TMCO4: variants seen among roughly 807,000 people sequenced by gnomAD.
The protein encoded by TMCO4 is transmembrane and coiled-coil domains 4, also known as transmembrane and coiled-coil domain-containing protein 4.
In TMCO4, 58 loss-of-function variants were observed where a neutral mutation model predicts 64.7. That is an observed-to-expected ratio of 0.90 (90% CI 0.73 to 1.12). The LOEUF is 1.12. TMCO4 is among the 50% of genes most tolerant of loss of function. TMCO4 has a pLI of 0.00. For missense variants in TMCO4, 780 were observed against 825.9 expected (o/e 0.94, Z 0.68); for synonymous variants, 325 against 346.1 (o/e 0.94, Z 0.68).
intron 4 of TMCO4, among the ~76,000 whole-genome samples, chr1:19,772,687 C>T (rs75882276): frequency 0.022 from 3,292 of 152,304 alleles, 70 homozygotes; most frequent in East Asian, 0.066. Context: ...GAGTCCCAGC[C>T]TGCCTCAAAC....
At chr1:19,737,066 C>A (rs557469486) in intron 13 of TMCO4, among the ~76,000 whole-genome samples, 5 of 152,186 alleles carry the variant, frequency 3.3e-5, no homozygotes, top group African/African-American at 1.2e-4. Context: ...AGTGCACCTG[C>A]CAACACCTTA....
chr1:19,772,431 C>T (rs932543278), intron 4 of TMCO4, among the ~76,000 whole-genome samples: 4 of 152,120 alleles, frequency 2.6e-5, no homozygotes, highest in African/African-American at 9.7e-5. Context: ...TACAGGAGTC[C>T]CCAGGGGAGG....
rs1441248443 is a variant in TMCO4 at position 19,743,068 on chromosome 1, A to T, written c.878-2127T>A. ...CGTCTCCAAAAGAAAATAAAAATAA[A>T]AAAAATAAAAAGGCGTTGTATAAAC... On this transcript the variant is annotated intron_variant, in intron 10 of 15. Coordinates refer to ENST00000294543, the MANE Select transcript of TMCO4 (RefSeq NM_181719.7). This position sits in a 1 kb window ranked among gnomAD's most constrained non-coding sequence, Gnocchi z 4.1. Among the ~76,000 whole-genome samples, 2 of 152,176 alleles carry T rather than the reference A, an allele frequency of 1.3e-5. No individual in the cohort carries two copies. The highest frequency in any genetic ancestry group is 2.9e-5 in the Non-Finnish European group (2 of 68,024).
intron 13 of TMCO4, among the ~76,000 whole-genome samples, chr1:19,709,460 T>C (rs1300611918): frequency 6.6e-6 from 1 of 151,666 alleles, no homozygotes; most frequent in Non-Finnish European, 1.5e-5. Context: ...TCTGCTATCA[T>C]GGAGATGAAA....
In TMCO4 at chr1:19,732,413, A is replaced by G. The variant is rs2100797040; in HGVS notation, c.1264+4959T>C. 6.6e-6 allele frequency among the ~76,000 whole-genome samples: 1 copy of G among 151,752 alleles called. No individual in the cohort carries two copies. Among genetic ancestry groups the G allele is most frequent in the South Asian group, 2.1e-4 (1 of 4,792 alleles). On this transcript the variant is annotated intron_variant, in intron 13 of 15. Coordinates refer to ENST00000294543, the MANE Select transcript of TMCO4 (RefSeq NM_181719.7). This position sits in a 1 kb window ranked among gnomAD's most constrained non-coding sequence, Gnocchi z 4.8. ...ACTCCTGGGCTCAAGCAATCCTCCCACCTCAGCCTCCCAAAGTGTTGGGAT... is the reference window on the plus strand; with the variant it reads ...ACTCCTGGGCTCAAGCAATCCTCCCGCCTCAGCCTCCCAAAGTGTTGGGAT...
chr1:19,746,332 A>G lies in TMCO4; in HGVS notation c.757+124T>C. The G allele has an allele frequency of 4.9e-6, 7 of 1,421,912 alleles. No homozygotes were observed. In the South Asian group the frequency reaches 9.1e-5, roughly 19 times the overall value. 88.1% of individuals were successfully genotyped at this position (1,421,912 alleles called of 1,614,324 possible). On this transcript the variant is annotated intron_variant, in intron 9 of 15. Coordinates refer to ENST00000294543, the MANE Select transcript of TMCO4 (RefSeq NM_181719.7). The stretch of plus-strand genomic sequence containing the variant: ...TGGGAAGGCTGGGACCCAGAGTGAG[A>G]AAAGCCACGTCTCCTCTGTCTCCCA...
chr1:19,706,448 T>C (rs914914956), intron 13 of TMCO4, among the ~76,000 whole-genome samples: 6 of 152,232 alleles, frequency 3.9e-5, no homozygotes, highest in African/African-American at 1.4e-4. Flanking sequence ...TTTCTTCTTG[T>C]AAATTTTCAA....
chr1:19,713,470 GT>G (rs1490948248), intron 13 of TMCO4, among the ~76,000 whole-genome samples: 1 of 152,122 alleles, frequency 6.6e-6, no homozygotes, highest in African/African-American at 2.4e-5. Flanking sequence ...TGGGGATGTG[GT>G]TTTGGGAGTC....
intron 3 of TMCO4, among the ~76,000 whole-genome samples, chr1:19,785,654 C>A (rs1490263521): frequency 1.3e-5 from 2 of 152,166 alleles, no homozygotes. Flanking sequence ...AATGACAAAG[C>A]GACCTAAGTT....
chr1:19,684,062 G>GC (rs2095127072), intron 15 of TMCO4, among the ~76,000 whole-genome samples: 1 of 100,410 alleles, frequency 1.0e-5, no homozygotes, highest in Non-Finnish European at 1.8e-5. Flanking sequence ...GTGCCCGGCA[G>GC]CTTTTTTTTT....
Position 19,755,689 on chromosome 1 carries a change from C to A in TMCO4, c.460G>T (p.Val154Phe). ...CTCTCCAGGAACATCTCTTCAAGGACATCCAGCTCCTCCAAGGGCACTTGG... is the reference window on the plus strand; with the variant it reads ...CTCTCCAGGAACATCTCTTCAAGGAAATCCAGCTCCTCCAAGGGCACTTGG... ...LLQVPLEELD[V>F]LEEMFLESLK... The change falls in exon 7 of 16, where the codon GTC becomes TTC. Residue 154 changes from valine (V) to phenylalanine (F), a missense_variant. Transcript: ENST00000294543. 1 of 1,614,148 alleles carries A rather than the reference C, an allele frequency of 6.2e-7. No individual in the cohort carries two copies. Among genetic ancestry groups the A allele is most frequent in the Non-Finnish European group, 8.5e-7 (1 of 1,180,028 alleles).
chr1:19,726,735 A>G (rs1261973253), intron 13 of TMCO4, among the ~76,000 whole-genome samples: 3 of 152,188 alleles, frequency 2.0e-5, no homozygotes, highest in African/African-American at 4.8e-5. Flanking sequence ...GGTTTGCAGA[A>G]ACCAATAATT....
intron 13 of TMCO4, among the ~76,000 whole-genome samples, chr1:19,727,582 A>G (rs2095413933): frequency 6.6e-6 from 1 of 152,230 alleles, no homozygotes; most frequent in African/African-American, 2.4e-5. Flanking sequence ...CTCTCTTTAG[A>G]AGGTCTCATA....
intron 6 of TMCO4, among the ~76,000 whole-genome samples, chr1:19,770,054 A>C (rs2042916596): frequency 6.6e-6 from 1 of 152,254 alleles, no homozygotes; most frequent in Admixed American, 6.5e-5. Flanking sequence ...CCTGAGAGCC[A>C]CACCAGAGGG....
chr1:19,709,557 T>C (rs1026439576), intron 13 of TMCO4, among the ~76,000 whole-genome samples: 2 of 152,100 alleles, frequency 1.3e-5, no homozygotes, highest in African/African-American at 4.8e-5. Context: ...AAGTAAGAAT[T>C]TGGGGACTCA....
At chr1:19,791,745 C>A (rs992692302) in intron 2 of TMCO4, among the ~76,000 whole-genome samples, 9 of 152,236 alleles carry the variant, frequency 5.9e-5, no homozygotes, top group Non-Finnish European at 1.2e-4. Context: ...GCTGGTCCAG[C>A]AGCGCCCTGG....
intron 7 of TMCO4, among the ~76,000 whole-genome samples, chr1:19,748,162 CTG>C (rs2041871560): frequency 6.6e-6 from 1 of 152,206 alleles, no homozygotes; most frequent in African/African-American, 2.4e-5. Context: ...TCCCCATGAA[CTG>C]TGAGGATCCA....
intron 7 of TMCO4, among the ~76,000 whole-genome samples, chr1:19,748,918 T>C (rs933605440): frequency 2.0e-5 from 3 of 152,238 alleles, no homozygotes; most frequent in African/African-American, 7.2e-5. Flanking sequence ...CCTGCTGTGC[T>C]TTTTGGTTCC....
chr1:19,741,929 G>T (rs1025600788), intron 10 of TMCO4, among the ~76,000 whole-genome samples: 1 of 151,674 alleles, frequency 6.6e-6, no homozygotes, highest in Non-Finnish European at 1.5e-5. Context: ...AGTAGAGACG[G>T]GGTTTCATCA....
Sources: allele counts gnomAD v4.1 joint callset (sites outside exome capture counted in the v4.1 genomes callset), GRCh38; gene constraint gnomAD v4.1.1; non-coding constraint Gnocchi (gnomAD v3.1); transcripts MANE v1.5; gene names NCBI Gene and HGNC (gene_info 2026-07-23, HGNC 2026-07-21).